ERC2: variants seen among roughly 807,000 people sequenced by gnomAD.
ERC2 encodes the protein ELKS/RAB6-interacting/CAST family member 2.
ERC2 carries 42 observed loss-of-function variants against 114.8 expected under a neutral mutation model. That is an observed-to-expected ratio of 0.37 (90% CI 0.29 to 0.47). The LOEUF (loss-of-function observed/expected upper bound fraction) is 0.47, where lower values mean the gene tolerates loss of function less well. ERC2 is among the 20% of genes least tolerant of loss of function. ERC2 has a pLI of 0.99. For synonymous variants in ERC2, 454 were observed against 425.5 expected, an observed-to-expected ratio of 1.07 and a Z score of -0.82; for missense variants, 939 against 1,150.7, an observed-to-expected ratio of 0.82 and a Z score of 2.66.
intron 14 of ERC2, among the ~76,000 whole-genome samples, chr3:55,886,894 C>T (rs1345318282): frequency 1.3e-5 from 2 of 152,188 alleles, no homozygotes; most frequent in African/African-American, 4.8e-5. Context: ...ATTCAGTCTC[C>T]AGTATTCAAT....
chr3:56,033,042 A>AAC (rs1491022196), intron 7 of ERC2, among the ~76,000 whole-genome samples: 99 of 82,498 alleles, frequency 1.2e-3, no homozygotes, highest in East Asian at 5.1e-3. Flanking sequence ...GAAAGAAAGA[A>AAC]AGAAAGAAAG....
At chr3:56,380,612 T>TA (rs2059712585) in intron 2 of ERC2, among the ~76,000 whole-genome samples, 1 of 152,208 alleles carries the variant, frequency 6.6e-6, no homozygotes, top group Non-Finnish European at 1.5e-5. Context: ...AATACATACT[T>TA]ATGGAGAACG....
chr3:56,230,434 G>GT (rs964336140), intron 3 of ERC2, among the ~76,000 whole-genome samples: 8 of 151,920 alleles, frequency 5.3e-5, no homozygotes, highest in African/African-American at 1.9e-4. Flanking sequence ...TTTTTTGTTT[G>GT]TTTTTTGTAA....
intron 3 of ERC2, among the ~76,000 whole-genome samples, chr3:56,209,996 C>T (rs184726055): frequency 6.6e-6 from 1 of 152,062 alleles, no homozygotes; most frequent in Non-Finnish European, 1.5e-5. Flanking sequence ...CAAGCAGAAA[C>T]CTTTAAAGTA....
At chr3:55,789,031 G>A (rs913288783) in intron 14 of ERC2, among the ~76,000 whole-genome samples, 1 of 151,958 alleles carries the variant, frequency 6.6e-6, no homozygotes, top group African/African-American at 2.4e-5. Context: ...GGGATCAAAT[G>A]TCCTCTCCTT....
At chr3:55,683,667 C>T (rs765188743) in intron 17 of ERC2, 127 bp downstream of exon 17, 2 of 777,886 alleles carry the variant, frequency 2.6e-6, no homozygotes, top group African/African-American at 1.8e-5. Context: ...ACATTCTGCG[C>T]TCACAGAACA....
chr3:55,689,368 T>C (rs560638568), intron 16 of ERC2, among the ~76,000 whole-genome samples: 45 of 152,222 alleles, frequency 3.0e-4, no homozygotes, highest in Non-Finnish European at 5.6e-4. Context: ...TGCCAGTTCA[T>C]TCAGCTCAAG....
chr3:56,443,126 T>G (rs2062394373), intron 1 of ERC2, among the ~76,000 whole-genome samples: 1 of 152,154 alleles, frequency 6.6e-6, no homozygotes, highest in Admixed American at 6.5e-5. Flanking sequence ...TTTTCACACC[T>G]CGACAAAGAA....
intron 13 of ERC2, among the ~76,000 whole-genome samples, chr3:55,913,949 T>C (rs891910623): frequency 3.3e-5 from 5 of 152,174 alleles, no homozygotes; most frequent in East Asian, 1.9e-4. Flanking sequence ...CCACCTTAGA[T>C]TGAAGCGGGA....
chr3:56,007,358 A>C (rs1223531806), intron 9 of ERC2, 37 bp from the exon 10 acceptor site: 12 of 1,562,234 alleles, frequency 7.7e-6, no homozygotes, highest in Non-Finnish European at 1.0e-5. Flanking sequence ...AAAACACTGA[A>C]ATTTCTACTA....
intron 3 of ERC2, among the ~76,000 whole-genome samples, chr3:56,240,950 T>G (rs1270679009): frequency 2.0e-5 from 3 of 152,162 alleles, no homozygotes; most frequent in African/African-American, 7.2e-5. Context: ...ATCCAATAGG[T>G]AATTTTTCAG....
At chr3:55,762,344 G>C (rs2067500683) in intron 14 of ERC2, among the ~76,000 whole-genome samples, 1 of 152,072 alleles carries the variant, frequency 6.6e-6, no homozygotes, top group Admixed American at 6.6e-5. Flanking sequence ...CACAATTCCT[G>C]GGTCTTCCTG....
intron 17 of ERC2, chr3:55,659,201 T>C (rs1559461314): frequency 6.6e-6 from 1 of 152,210 alleles, no homozygotes; most frequent in Non-Finnish European, 1.5e-5. Context: ...AGAGGTGCTT[T>C]TGGCTGTCTT....
intron 1 of ERC2, among the ~76,000 whole-genome samples, chr3:56,439,928 G>T (rs1428020241): frequency 3.9e-5 from 6 of 152,038 alleles, no homozygotes; most frequent in Admixed American, 1.3e-4. Flanking sequence ...GAATTATTGA[G>T]AATAATATAT....
At chr3:56,055,289 G>T (rs1041155157) in intron 7 of ERC2, among the ~76,000 whole-genome samples, 3 of 152,176 alleles carry the variant, frequency 2.0e-5, no homozygotes, top group African/African-American at 7.2e-5. Context: ...GATGGGGAGG[G>T]CAGACTTAGG....
At chr3:55,719,487 C>T (rs2064320848) in intron 15 of ERC2, among the ~76,000 whole-genome samples, 1 of 152,258 alleles carries the variant, frequency 6.6e-6, no homozygotes, top group East Asian at 1.9e-4. Context: ...ATGTTGGAAA[C>T]AATTCTAAAT....
chr3:55,793,713 T>G (rs2070245141), intron 14 of ERC2, among the ~76,000 whole-genome samples: 1 of 152,186 alleles, frequency 6.6e-6, no homozygotes, highest in African/African-American at 2.4e-5. Flanking sequence ...AACACTTCAC[T>G]TCCTATGAAA....
intron 3 of ERC2, among the ~76,000 whole-genome samples, chr3:56,185,375 C>T (rs569682241): frequency 6.6e-6 from 1 of 152,324 alleles, no homozygotes; most frequent in South Asian, 2.1e-4. Flanking sequence ...TAACTGTTAT[C>T]CTATGCCTCT....
intron 12 of ERC2, among the ~76,000 whole-genome samples, chr3:55,952,194 C>A (rs201711133): frequency 0.53 from 57,737 of 109,092 alleles, 17,759 homozygotes; most frequent in Non-Finnish European, 0.62. Context: ...CTCTCTCTCT[C>A]TCTCTATATA....
Sources: allele counts gnomAD v4.1 joint callset (sites outside exome capture counted in the v4.1 genomes callset), GRCh38; gene constraint gnomAD v4.1.1; transcripts MANE v1.5; gene names NCBI Gene and HGNC (gene_info 2026-07-23, HGNC 2026-07-21).